The following PTPRD variants were observed in gnomAD, a reference collection of about 807,000 sequenced individuals.
PTPRD encodes protein tyrosine phosphatase receptor type D, also known as receptor-type tyrosine-protein phosphatase delta.
A neutral mutation model predicts 214.5 loss-of-function variants in PTPRD; 34 were observed. That is an observed-to-expected ratio of 0.16 (90% CI 0.12 to 0.21). The LOEUF is 0.21. Ranked by LOEUF, PTPRD falls within the 10% of genes least tolerant of loss-of-function variation. PTPRD has a pLI of 1.00. For missense variants in PTPRD, 2,545 were observed against 2,398.7 expected, an observed-to-expected ratio of 1.06 and a Z score of -1.27; for synonymous variants, 1,128 against 845.7, an observed-to-expected ratio of 1.33 and a Z score of -5.79.
At chr9:9,176,107 G>A (rs887311120) in intron 10 of PTPRD, among the ~76,000 whole-genome samples, 1 of 152,126 alleles carries the variant, frequency 6.6e-6, no homozygotes, top group African/African-American at 2.4e-5. Flanking sequence ...TCTTTCCACA[G>A]CCTATAAGTA....
rs147509806 is a variant in PTPRD, at chr9:9,054,504, CT to C, written c.-142-35770del. On this transcript the variant is annotated intron_variant, in intron 10 of 45. Transcript: ENST00000381196. ...GATTCCTACATCTAGACCTTCATGA[CT>C]TGCTAAGGTCAAGCCTCTTTGGAAA... 1.2e-3 allele frequency among the ~76,000 whole-genome samples: 185 copies of C among 152,220 alleles called. 3 individuals are homozygous for C. The East Asian group carries it at 0.024, about 19-fold the overall frequency.
intron 9 of PTPRD, among the ~76,000 whole-genome samples, chr9:9,364,166 A>G (rs1596403738): frequency 6.6e-6 from 1 of 151,516 alleles, no homozygotes; most frequent in African/African-American, 2.4e-5. Context: ...TATTGAGTCT[A>G]AATTGATAGA....
At chr9:10,324,894 GCAAAT>G (rs1383968645) in intron 3 of PTPRD, among the ~76,000 whole-genome samples, 1 of 151,936 alleles carries the variant, frequency 6.6e-6, no homozygotes, top group Non-Finnish European at 1.5e-5. Context: ...AGTCAACAAA[GCAAAT>G]CAAAATTTCA....
chr9:8,721,871 T>C (rs1250187871), intron 12 of PTPRD, among the ~76,000 whole-genome samples: 1 of 152,224 alleles, frequency 6.6e-6, no homozygotes, highest in Non-Finnish European at 1.5e-5. Flanking sequence ...CCCATATTAA[T>C]TAGAAGGGCA....
At chr9:9,308,509 G>T (rs1957843055) in intron 9 of PTPRD, among the ~76,000 whole-genome samples, 1 of 152,142 alleles carries the variant, frequency 6.6e-6, no homozygotes, top group Non-Finnish European at 1.5e-5. Flanking sequence ...AGCATAAGAT[G>T]AACTTTGTAC....
chr9:10,607,200 T>A (rs2079642837), intron 2 of PTPRD, among the ~76,000 whole-genome samples: 1 of 151,852 alleles, frequency 6.6e-6, no homozygotes. Flanking sequence ...TTCATGGTTA[T>A]TTCAAATTTA....
At chr9:8,565,708 TA>T (rs2088735903) in intron 14 of PTPRD, among the ~76,000 whole-genome samples, 1 of 152,212 alleles carries the variant, frequency 6.6e-6, no homozygotes, top group African/African-American at 2.4e-5. Flanking sequence ...CCATTAATTA[TA>T]AATTTAAACT....
intron 11 of PTPRD, among the ~76,000 whole-genome samples, chr9:8,762,656 C>G (rs2094482885): frequency 6.6e-6 from 1 of 152,076 alleles, no homozygotes; most frequent in Non-Finnish European, 1.5e-5. Context: ...GATGAGTGCT[C>G]AGGAAAAGAA....
chr9:8,711,211 T>C (rs1014599038), intron 12 of PTPRD, among the ~76,000 whole-genome samples: 1 of 152,080 alleles, frequency 6.6e-6, no homozygotes, highest in African/African-American at 2.4e-5. Flanking sequence ...TATAAAATAA[T>C]TGTCTTGGTA....
intron 36 of PTPRD, among the ~76,000 whole-genome samples, chr9:8,402,016 T>C (rs557345644): frequency 1.1e-4 from 17 of 152,222 alleles, no homozygotes; most frequent in Non-Finnish European, 2.1e-4. Context: ...TTAGTGGTTC[T>C]GTGGTTCCAG....
intron 5 of PTPRD, among the ~76,000 whole-genome samples, chr9:9,916,763 A>T (rs1198377608): frequency 6.6e-6 from 1 of 152,060 alleles, no homozygotes; most frequent in Non-Finnish European, 1.5e-5. Context: ...TTCATTCAAC[A>T]GTTGGAGAAT....
chr9:9,495,387 T>C (rs147400336), intron 8 of PTPRD, among the ~76,000 whole-genome samples: 1 of 151,456 alleles, frequency 6.6e-6, no homozygotes, highest in African/African-American at 2.4e-5. Flanking sequence ...AAGTGAGAAC[T>C]TCTATTCCTG....
At chr9:10,111,229 C>CT (rs34045121) in intron 3 of PTPRD, among the ~76,000 whole-genome samples, 1,417 of 72,226 alleles carry the variant, frequency 0.02, 239 homozygotes, top group African/African-American at 0.029. Flanking sequence ...AGTTTAGTTT[C>CT]TTTTTTTTTT....
At chr9:8,587,979 A>G (rs1172111700) in intron 14 of PTPRD, among the ~76,000 whole-genome samples, 1 of 152,234 alleles carries the variant, frequency 6.6e-6, no homozygotes. Flanking sequence ...AGAAGCCAAG[A>G]GCCTTCAACA....
chr9:10,496,934 T>A (rs2042234584), intron 2 of PTPRD, among the ~76,000 whole-genome samples: 1 of 152,042 alleles, frequency 6.6e-6, no homozygotes, highest in African/African-American at 2.4e-5. Context: ...ATAGTTTATT[T>A]TTCTGTGCAG....
chr9:8,718,649 TCTC>T (rs1428807423), intron 12 of PTPRD, among the ~76,000 whole-genome samples: 3 of 152,156 alleles, frequency 2.0e-5, no homozygotes, highest in African/African-American at 7.2e-5. Flanking sequence ...TAGTCCGCCT[TCTC>T]TATACAATTC....
At chr9:9,720,071 G>C (rs1337053699) in intron 7 of PTPRD, among the ~76,000 whole-genome samples, 2 of 152,252 alleles carry the variant, frequency 1.3e-5, no homozygotes, top group South Asian at 2.1e-4. Flanking sequence ...AAGGCTGAGT[G>C]GGTGAAACTA....
chr9:8,865,155 C>CTTATG (rs1385024424), intron 11 of PTPRD, among the ~76,000 whole-genome samples: 3 of 151,810 alleles, frequency 2.0e-5, no homozygotes, highest in South Asian at 2.1e-4. Flanking sequence ...ATCATTCTTT[C>CTTATG]TTTAATCATA....
rs1332663601 is a variant in PTPRD, at chr9:8,604,692, C to A, written c.352+28625G>T. ...AAAAGAGGAGGTCAAATTTAAGATG[C>A]ATTTCTGAAGTAATCAATTATCTCC... On this transcript the variant is annotated intron_variant, in intron 14 of 45. Transcript: ENST00000381196. Among the ~76,000 whole-genome samples, 3 of 152,130 alleles carry A rather than the reference C, an allele frequency of 2.0e-5. No individual in the cohort carries two copies. The East Asian group carries it at 5.8e-4, about 29-fold the overall frequency.
Sources: gnomAD v4.1 joint callset for allele counts (sites outside exome capture counted in the v4.1 genomes callset) on GRCh38, gnomAD v4.1.1 for gene constraint, MANE v1.5 for transcripts, NCBI Gene and HGNC (gene_info 2026-07-23, HGNC 2026-07-21) for gene names.